The following GALNTL6 variants were observed in gnomAD, a reference collection of about 807,000 sequenced individuals.
GALNTL6 encodes the protein polypeptide N-acetylgalactosaminyltransferase like 6, also known as polypeptide N-acetylgalactosaminyltransferase-like 6.
A neutral mutation model predicts 73.7 loss-of-function variants in GALNTL6; 46 were observed. That is an observed-to-expected ratio of 0.62 (90% confidence interval 0.49 to 0.80). GALNTL6 has a LOEUF of 0.80. GALNTL6 is among the 30% of genes least tolerant of loss of function. The pLI, the probability that GALNTL6 is intolerant of heterozygous loss-of-function variation, is 0.00. For missense variants in GALNTL6, 604 were observed against 755.0 expected, an observed-to-expected ratio of 0.80 and a Z score of 2.34; for synonymous variants, 259 against 263.7, an observed-to-expected ratio of 0.98 and a Z score of 0.17.
intron 2 of GALNTL6, among the ~76,000 whole-genome samples, chr4:171,941,624 G>T (rs1172703766): frequency 6.6e-6 from 1 of 152,112 alleles, no homozygotes; most frequent in Non-Finnish European, 1.5e-5. Flanking sequence ...TGCTCCTTTA[G>T]ATGGCCAGGG....
intron 2 of GALNTL6, among the ~76,000 whole-genome samples, chr4:171,999,465 T>A (rs1442526768): frequency 6.6e-6 from 1 of 152,162 alleles, no homozygotes; most frequent in Non-Finnish European, 1.5e-5. Context: ...TAGATTATGG[T>A]CCAGTGACCA....
At chr4:172,077,318 C>A (rs1402924232) in intron 2 of GALNTL6, among the ~76,000 whole-genome samples, 2 of 151,894 alleles carry the variant, frequency 1.3e-5, no homozygotes, top group Non-Finnish European at 2.9e-5. Flanking sequence ...AAAAGCCGGG[C>A]ACTTTCTAGA....
At chr4:172,153,981 G>A (rs1417654674) in intron 2 of GALNTL6, among the ~76,000 whole-genome samples, 2 of 151,858 alleles carry the variant, frequency 1.3e-5, no homozygotes, top group African/African-American at 4.8e-5. Flanking sequence ...TGAACCTAAT[G>A]TTAGGAGATT....
chr4:172,261,105 G>A (rs561645423), intron 3 of GALNTL6, among the ~76,000 whole-genome samples: 1 of 151,002 alleles, frequency 6.6e-6, no homozygotes, highest in Non-Finnish European at 1.5e-5. Context: ...TATTATATTA[G>A]ATTGACTTGC....
chr4:172,865,783 C>T (rs1006635024), intron 7 of GALNTL6, among the ~76,000 whole-genome samples: 7 of 152,094 alleles, frequency 4.6e-5, no homozygotes, highest in African/African-American at 1.7e-4. Flanking sequence ...TCCTCATGCC[C>T]TGGGGCCTCT....
intron 5 of GALNTL6, among the ~76,000 whole-genome samples, chr4:172,695,125 C>T (rs1454578985): frequency 2.0e-5 from 3 of 152,072 alleles, no homozygotes; most frequent in Non-Finnish European, 2.9e-5. Flanking sequence ...ATAAATGAAA[C>T]CCTATAAATG....
chr4:171,904,358 A>G (rs2110948907), intron 2 of GALNTL6, among the ~76,000 whole-genome samples: 1 of 152,336 alleles, frequency 6.6e-6, no homozygotes, highest in East Asian at 1.9e-4. Flanking sequence ...CAGAAGCCTC[A>G]GGAGCCGATG....
At chr4:172,424,609 G>C (rs1204415037) in intron 5 of GALNTL6, among the ~76,000 whole-genome samples, 2 of 152,142 alleles carry the variant, frequency 1.3e-5, no homozygotes, top group African/African-American at 4.8e-5. Flanking sequence ...ATGGAGATGA[G>C]CGGCTGCTCC....
At chr4:172,021,274 C>T (rs902868029) in intron 2 of GALNTL6, among the ~76,000 whole-genome samples, 5 of 151,750 alleles carry the variant, frequency 3.3e-5, no homozygotes, top group African/African-American at 1.2e-4. Flanking sequence ...TATTGGAAGT[C>T]CTAGCTAGAG....
At chr4:171,896,689 A>G (rs555803184) in intron 2 of GALNTL6, among the ~76,000 whole-genome samples, 2 of 152,270 alleles carry the variant, frequency 1.3e-5, no homozygotes, top group African/African-American at 4.8e-5. Flanking sequence ...CTCTGCCCAC[A>G]TGGCCTAATC....
intron 2 of GALNTL6, among the ~76,000 whole-genome samples, chr4:172,065,970 A>G (rs560467132): frequency 1.1e-4 from 16 of 152,140 alleles, no homozygotes; most frequent in Non-Finnish European, 1.8e-4. Flanking sequence ...ACATGTGAGG[A>G]TTATCACAAT....
chr4:172,941,520 C>G (rs1748921205), intron 9 of GALNTL6, among the ~76,000 whole-genome samples: 1 of 152,086 alleles, frequency 6.6e-6, no homozygotes, highest in Non-Finnish European at 1.5e-5. Flanking sequence ...ACATAACTTT[C>G]TTTTTTCAAA....
At chr4:171,827,821 A>G (rs1176961026) in intron 2 of GALNTL6, among the ~76,000 whole-genome samples, 1 of 152,078 alleles carries the variant, frequency 6.6e-6, no homozygotes, top group Non-Finnish European at 1.5e-5. Context: ...TTGACCCTTA[A>G]ACATAGGTTT....
At chr4:171,897,528 A>C (rs1736956360) in intron 2 of GALNTL6, among the ~76,000 whole-genome samples, 1 of 152,182 alleles carries the variant, frequency 6.6e-6, no homozygotes, top group South Asian at 2.1e-4. Flanking sequence ...CACCATTTAA[A>C]AAAATAAAAG....
chr4:172,671,093 A>C (rs1200234146), intron 5 of GALNTL6, among the ~76,000 whole-genome samples: 2 of 23,504 alleles, frequency 8.5e-5, no homozygotes, highest in Non-Finnish European at 1.3e-4. Context: ...TGATGCCTCC[A>C]GCTTTGTTCT....
intron 2 of GALNTL6, among the ~76,000 whole-genome samples, chr4:172,164,662 G>A (rs551915934): frequency 6.6e-6 from 1 of 151,888 alleles, no homozygotes; most frequent in East Asian, 1.9e-4. Flanking sequence ...AGATGAGCTA[G>A]GTATTTCTAT....
chr4:172,474,259 C>T (rs988092413), intron 5 of GALNTL6, among the ~76,000 whole-genome samples: 1 of 152,192 alleles, frequency 6.6e-6, no homozygotes, highest in Non-Finnish European at 1.5e-5. Flanking sequence ...CTCTGGACAT[C>T]CTACTGAACA....
chr4:172,388,977 C>T (rs17058366), intron 5 of GALNTL6, among the ~76,000 whole-genome samples: 19,772 of 151,818 alleles, frequency 0.13, 1,289 homozygotes, highest in East Asian at 0.18. Context: ...CTTGGTTTTT[C>T]CAATTCCTAA....
intron 2 of GALNTL6, among the ~76,000 whole-genome samples, chr4:172,192,446 G>A (rs902872774): frequency 9.9e-5 from 15 of 151,974 alleles, no homozygotes; most frequent in African/African-American, 3.4e-4. Flanking sequence ...GAACGAAAAC[G>A]GCAAGTGAAT....
Sources: gnomAD v4.1 joint callset for allele counts (sites outside exome capture counted in the v4.1 genomes callset) on GRCh38, gnomAD v4.1.1 for gene constraint, MANE v1.5 for transcripts, NCBI Gene and HGNC (gene_info 2026-07-23, HGNC 2026-07-21) for gene names.